PIK3CD: variants seen among roughly 807,000 people sequenced by gnomAD.
PIK3CD encodes phosphatidylinositol-4,5-bisphosphate 3-kinase catalytic subunit delta, also known as phosphatidylinositol 4,5-bisphosphate 3-kinase catalytic subunit delta isoform.
A neutral mutation model predicts 122.9 loss-of-function variants in PIK3CD; 20 were observed. That is an observed-to-expected ratio of 0.16 (90% CI 0.11 to 0.24). PIK3CD has a LOEUF of 0.24. Ranked by LOEUF, PIK3CD falls within the 10% of genes least tolerant of loss-of-function variation. PIK3CD has a pLI of 1.00. For missense variants in PIK3CD, 787 were observed against 1,406.3 expected, an observed-to-expected ratio of 0.56 and a Z score of 7.04; for synonymous variants, 596 against 593.4, an observed-to-expected ratio of 1.00 and a Z score of -0.06.
chr1:9,631,297 C>G, the PIK3CD span, among the ~76,000 whole-genome samples: 1 of 152,304 alleles, frequency 6.6e-6, no homozygotes, highest in East Asian at 1.9e-4. Context: ...GTTCAGCTGG[C>G]TAGTGGTCAA....
At chr1:9,660,157 C>T (rs1471226190) in intron 1 of PIK3CD, among the ~76,000 whole-genome samples, 2 of 152,260 alleles carry the variant, frequency 1.3e-5, no homozygotes, top group African/African-American at 2.4e-5. Context: ...AAGCGATCTG[C>T]TCGCTCGGCC....
intron 1 of PIK3CD, among the ~76,000 whole-genome samples, chr1:9,658,211 C>G (rs1300352088): frequency 1.3e-5 from 2 of 151,714 alleles, no homozygotes; most frequent in African/African-American, 4.8e-5. Context: ...AGTAAGACCC[C>G]CATCTCTGCA....
chr1:9,724,552 G>C lies in PIK3CD; in HGVS notation c.2864+131G>C. The C allele has an allele frequency of 8.8e-7, 1 of 1,132,934 alleles. No individual in the cohort carries two copies. Among genetic ancestry groups the C allele is most frequent in the South Asian group, 1.3e-5 (1 of 75,372 alleles). 70.2% of individuals were successfully genotyped at this position (1,132,934 alleles called of 1,614,324 possible). ...CACCTGGCCCCTCACCCCAACTGTT[G>C]ATGGGTTTGGAACATGCCCCTGCTC... On this transcript the variant is annotated intron_variant, in intron 22 of 23. Coordinates refer to ENST00000377346, the MANE Select transcript of PIK3CD (RefSeq NM_005026.5). The surrounding 1 kb of genome is among the most constrained non-coding windows in gnomAD (Gnocchi z 7.3).
chr1:9,674,034 G>C (rs1645422925), intron 1 of PIK3CD, among the ~76,000 whole-genome samples: 1 of 152,194 alleles, frequency 6.6e-6, no homozygotes, highest in African/African-American at 2.4e-5. Flanking sequence ...ATTGGCCAGG[G>C]TGTTTGGTAA....
chr1:9,715,723 C>A lies in PIK3CD; in HGVS notation c.324C>A (p.Arg108=). Reference sequence around the variant, plus strand: ...GCCTGGTGGCCCGTGAGGGCGACCGCGTGAAGAAGCTCATCAACTCACAGA... The same window carrying A: ...GCCTGGTGGCCCGTGAGGGCGACCGAGTGAAGAAGCTCATCAACTCACAGA... ...VLRLVAREGD[R]VKKLINSQIS... Residue 108 remains arginine (R), a synonymous_variant, in exon 4 of 24, where the codon CGC becomes CGA. Transcript: ENST00000377346. This position sits in a 1 kb window ranked among gnomAD's most constrained non-coding sequence, Gnocchi z 4.1. 8 of 1,613,504 alleles carry A rather than the reference C, an allele frequency of 5.0e-6. No homozygotes were observed. Among genetic ancestry groups the A allele is most frequent in the Non-Finnish European group, 5.9e-6 (7 of 1,180,018 alleles).
chr1:9,629,922 G>T, the PIK3CD span, among the ~76,000 whole-genome samples: 1 of 152,264 alleles, frequency 6.6e-6, no homozygotes, highest in Admixed American at 6.5e-5. Context: ...TGGGGTGAGG[G>T]GGGAGTGGGG....
chr1:9,635,343 C>T, the PIK3CD span, among the ~76,000 whole-genome samples: 1 of 151,520 alleles, frequency 6.6e-6, no homozygotes, highest in African/African-American at 2.4e-5. Flanking sequence ...CATCTGTGTC[C>T]CTCTCTTCCT....
At chr1:9,679,796 A>G (rs1028680465) in intron 1 of PIK3CD, among the ~76,000 whole-genome samples, 1 of 152,104 alleles carries the variant, frequency 6.6e-6, no homozygotes, top group Non-Finnish European at 1.5e-5. Flanking sequence ...GCACAATGCA[A>G]TGGTTTTTTG....
intron 3 of PIK3CD, among the ~76,000 whole-genome samples, chr1:9,714,143 C>CA (rs1647170571): frequency 6.6e-6 from 1 of 152,142 alleles, no homozygotes; most frequent in African/African-American, 2.4e-5. Context: ...TAAGCCACCG[C>CA]ACCTGACCTA....
chr1:9,629,460 C>T, the PIK3CD span, among the ~76,000 whole-genome samples: 2 of 148,474 alleles, frequency 1.3e-5, no homozygotes, highest in Non-Finnish European at 1.5e-5. Flanking sequence ...CCTGCCCCCC[C>T]ACCCCCGCCC....
At chr1:9,683,254 C>T (rs376289901) in intron 1 of PIK3CD, among the ~76,000 whole-genome samples, 3 of 151,450 alleles carry the variant, frequency 2.0e-5, no homozygotes, top group East Asian at 1.9e-4. Flanking sequence ...CTGGCTCACA[C>T]GGTGAAAACC....
At chr1:9,664,929 G>A (rs1199536588) in intron 1 of PIK3CD, among the ~76,000 whole-genome samples, 1 of 152,114 alleles carries the variant, frequency 6.6e-6, no homozygotes, top group African/African-American at 2.4e-5. Flanking sequence ...CTAGCTGGGT[G>A]CAGTGGCTCA....
At chr1:9,702,552 C>CTTTTTTTTTT (rs1557643688) in intron 2 of PIK3CD, among the ~76,000 whole-genome samples, 42 of 57,494 alleles carry the variant, frequency 7.3e-4, no homozygotes, top group Middle Eastern at 0.019. Context: ...CAGAGTTTTG[C>CTTTTTTTTTT]TCTTGCTGCC....
chr1:9,638,191 C>CT, the PIK3CD span, among the ~76,000 whole-genome samples: 2 of 152,154 alleles, frequency 1.3e-5, no homozygotes, highest in African/African-American at 4.8e-5. Flanking sequence ...GAGGCTTTCT[C>CT]TAAGGCTCCT....
intron 1 of PIK3CD, among the ~76,000 whole-genome samples, chr1:9,664,390 G>A (rs1645100016): frequency 1.3e-5 from 2 of 152,038 alleles, no homozygotes; most frequent in Non-Finnish European, 2.9e-5. Flanking sequence ...AGAAATATCC[G>A]TTTAATAGGT....
At chr1:9,656,495 C>T (rs1644859999) in intron 1 of PIK3CD, among the ~76,000 whole-genome samples, 1 of 152,138 alleles carries the variant, frequency 6.6e-6, no homozygotes, top group Admixed American at 6.6e-5. Context: ...AAAACAGAAA[C>T]GTGCATGCTT....
chr1:9,689,110 C>A lies in PIK3CD; in HGVS notation c.-137-2357C>A, dbSNP rs976757687. On this transcript the variant is annotated intron_variant, in intron 1 of 23. Coordinates refer to ENST00000377346, the MANE Select transcript of PIK3CD (RefSeq NM_005026.5). This position sits in a 1 kb window ranked among gnomAD's most constrained non-coding sequence, Gnocchi z 6.1. Reference sequence around the variant, plus strand: ...GCTCTGTGACCTGGGTCCAGTACCCCGCCCTTTCTGCGGATGCCTTGCAAA... The same window carrying A: ...GCTCTGTGACCTGGGTCCAGTACCCAGCCCTTTCTGCGGATGCCTTGCAAA... 2.0e-5 allele frequency among the ~76,000 whole-genome samples: 3 copies of A among 152,210 alleles called. No individual in the cohort carries two copies. The highest frequency in any genetic ancestry group is 7.2e-5 in the African/African-American group (3 of 41,456).
Position 9,719,660 on chromosome 1 carries a change from C to CA in PIK3CD, c.1243-247dup, listed in dbSNP as rs34093717. ...TGGGTGACAGAGCAAGACTCCGTCT[C>CA]AAAAAAAAAAAAAAGCCTGAGTAGG... On this transcript the variant is annotated intron_variant, in intron 9 of 23. Coordinates refer to ENST00000377346, the MANE Select transcript of PIK3CD (RefSeq NM_005026.5). The surrounding 1 kb of genome is among the most constrained non-coding windows in gnomAD (Gnocchi z 5.5). Among the ~76,000 whole-genome samples the CA allele has an allele frequency of 0.38, 47,788 of 126,612 alleles. 10,317 individuals are homozygous for CA. Among genetic ancestry groups the CA allele is most frequent in the Non-Finnish European group, 0.52 (31,841 of 61,516 alleles). 83.1% of individuals were successfully genotyped at this position (126,612 alleles called of 152,430 possible). A position where few individuals can be genotyped will look rare whatever the true frequency, so the allele number is the denominator to read the frequency against.
intron 1 of PIK3CD, among the ~76,000 whole-genome samples, chr1:9,688,814 C>G (rs1646072443): frequency 6.6e-6 from 1 of 151,920 alleles, no homozygotes; most frequent in Admixed American, 6.6e-5. Context: ...GGCAACAGAG[C>G]AAGACCCTGT....
Sources: gnomAD v4.1 joint callset for allele counts (sites outside exome capture counted in the v4.1 genomes callset) on GRCh38, gnomAD v4.1.1 for gene constraint, Gnocchi (gnomAD v3.1) non-coding constraint, MANE v1.5 for transcripts, NCBI Gene and HGNC (gene_info 2026-07-23, HGNC 2026-07-21) for gene names.